Variants in FGL1 observed in about 807,000 individuals in gnomAD.
FGL1 encodes fibrinogen like 1.
FGL1 carries 59 observed loss-of-function variants against 43.7 expected under a neutral mutation model. The observed-to-expected ratio is 1.35, with a 90% CI of 1.10 to 1.68. The LOEUF is 1.68. Among genes scored for constraint, FGL1 ranks in the 40% most tolerant of loss-of-function variants. FGL1 has a pLI of 0.00. For missense variants in FGL1, 596 were observed against 373.0 expected (o/e 1.60, Z -4.92); for synonymous variants, 192 against 126.5 (o/e 1.52, Z -3.48).
chr8:17,876,003 G>T (rs973385835), intron 3 of FGL1, among the ~76,000 whole-genome samples: 2 of 152,128 alleles, frequency 1.3e-5, no homozygotes, highest in African/African-American at 4.8e-5. Flanking sequence ...AGAGAACGTG[G>T]CAAATGGGGA....
Position 17,885,505 on chromosome 8 carries a change from C to T in FGL1, c.50G>A (p.Gly17Asp). 1.2e-6 allele frequency: 2 copies of T among 1,612,694 alleles called. No homozygotes were observed. The highest frequency in any genetic ancestry group is 1.1e-5 in the South Asian group (1 of 90,868). Residue 17 changes from glycine to aspartate, a missense_variant, in exon 2 of 8, where the codon GGC (glycine) becomes GAC (aspartate). By Grantham distance (94) the Gly-to-Asp change is moderately conservative (BLOSUM62 -1). Transcript: ENST00000427924. ...CAAGAAGCTTACCGAAATTTCCCTG[C>T]CCATTGTCAGAGCGGTGGTAACAAG... ...FILVTTALTM[G>D]REISALEDCA... is the part of the protein sequence containing the mutation.
At chr8:17,875,408 T>C (rs746845404) in intron 3 of FGL1, among the ~76,000 whole-genome samples, 26 of 152,206 alleles carry the variant, frequency 1.7e-4, no homozygotes, top group Non-Finnish European at 3.1e-4. Flanking sequence ...CATCCCTTAA[T>C]TCTTTTTTGC....
Position 17,885,496 on chromosome 8 carries a change from A to C in FGL1, c.59T>G (p.Ile20Ser). Reference sequence around the variant, plus strand: ...TAGTTTTCCCAAGAAGCTTACCGAAATTTCCCTGCCCATTGTCAGAGCGGT... The same window carrying C: ...TAGTTTTCCCAAGAAGCTTACCGAACTTTCCCTGCCCATTGTCAGAGCGGT... ...VTTALTMGRE[I>S]SALEDCAQEQ... The change falls in exon 2 of 8, where the codon ATT becomes AGT. Residue 20 changes from isoleucine (I) to serine (S), a missense_variant. Coordinates refer to ENST00000427924, the MANE Select transcript of FGL1 (RefSeq NM_004467.4). The C allele has an allele frequency of 6.2e-7, 1 of 1,611,424 alleles. No homozygotes were observed. The highest frequency in any genetic ancestry group is 8.5e-7 in the Non-Finnish European group (1 of 1,178,312).
intron 1 of FGL1, among the ~76,000 whole-genome samples, chr8:17,893,310 G>C (rs2053731871): frequency 6.6e-6 from 1 of 151,978 alleles, no homozygotes; most frequent in Non-Finnish European, 1.5e-5. Flanking sequence ...AGTATGTTTT[G>C]AAAATGCTCT....
Position 17,874,106 on chromosome 8 carries a change from C to T in FGL1, c.415G>A (p.Asp139Asn), listed in dbSNP as rs2053406715. Residue 139 changes from aspartate to asparagine, a missense_variant, in exon 5 of 8, where the codon GAC becomes AAC. Coordinates refer to ENST00000427924, the MANE Select transcript of FGL1 (RefSeq NM_004467.4). ...AAATTTCCAAAGCCATTTTCATAGT[C>T]TTTCCATCCTCTAAAAAAGGTAAAG... is the stretch of plus-strand genomic sequence containing the variant. The part of the protein sequence containing the change: ...GSENFNRGWK[D>N]YENGFGNFVQ... 3 of 1,610,788 alleles carry T rather than the reference C, an allele frequency of 1.9e-6. No individual in the cohort carries two copies. The highest frequency in any genetic ancestry group is 2.5e-6 in the Non-Finnish European group (3 of 1,179,080).
At chr8:17,882,935 T>C (rs1291556821) in intron 2 of FGL1, among the ~76,000 whole-genome samples, 1 of 103,170 alleles carries the variant, frequency 9.7e-6, no homozygotes, top group Non-Finnish European at 1.6e-5. Flanking sequence ...TCATATATAA[T>C]ATATTAAATA....
intron 3 of FGL1, 48 bp from the exon 4 acceptor site, chr8:17,874,569 C>A: frequency 6.6e-7 from 1 of 1,518,494 alleles, no homozygotes; most frequent in Admixed American, 1.8e-5. Context: ...GTCTTTTTCT[C>A]CCCCCGCCTT....
chr8:17,884,413 T>C (rs1215572594), intron 2 of FGL1, among the ~76,000 whole-genome samples: 4 of 152,134 alleles, frequency 2.6e-5, no homozygotes, highest in African/African-American at 9.7e-5. Flanking sequence ...CAGTCTGGTC[T>C]CAAACTTCTG....
intron 2 of FGL1, 68 bp downstream of exon 2, chr8:17,885,424 A>G: frequency 7.2e-7 from 1 of 1,391,902 alleles, no homozygotes; most frequent in Non-Finnish European, 1.0e-6. Flanking sequence ...GGTTTAATGC[A>G]AAATGAAAGA....
rs1219528164 is a variant in FGL1 at position 17,895,503 on chromosome 8, C to T, written c.-74G>A. ...CAGGTTCCATCCAGACACTCTGCTT[C>T]CCAGGATCCTGTAACTGCATTGGGA... is the stretch of plus-strand genomic sequence containing the variant. On this transcript the variant is annotated 5_prime_UTR_variant, in exon 1 of 8. Coordinates refer to ENST00000427924, the MANE Select transcript of FGL1 (RefSeq NM_004467.4). The T allele has an allele frequency of 4.7e-6, 6 of 1,286,948 alleles. No individual in the cohort carries two copies. In the African/African-American group the frequency reaches 6.1e-5, roughly 13 times the overall value. 79.7% of individuals were successfully genotyped at this position (1,286,948 alleles called of 1,614,324 possible). A position where few individuals can be genotyped will look rare whatever the true frequency, so the allele number is the denominator to read the frequency against.
chr8:17,895,469 G>T lies in FGL1; in HGVS notation c.-40C>A. ...TGCCTAAAGTCAGAAGTGAGTCAGA[G>T]ACCCAGCTCAGGTTCCATCCAGACA... On this transcript the variant is annotated 5_prime_UTR_variant, in exon 1 of 8. Transcript: ENST00000427924. The T allele has an allele frequency of 7.8e-7, 1 of 1,282,698 alleles. No homozygotes were observed. The highest frequency in any genetic ancestry group is 1.0e-6 in the Non-Finnish European group (1 of 982,884). The allele number at this position is 1,282,698 out of a possible 1,614,324, so 79.5% of individuals were successfully genotyped here.
chr8:17,884,005 C>T (rs1161048756), intron 2 of FGL1, among the ~76,000 whole-genome samples: 1 of 150,580 alleles, frequency 6.6e-6, no homozygotes, highest in Non-Finnish European at 1.5e-5. Flanking sequence ...CACAGAACCT[C>T]TCCCAGCCAT....
At chr8:17,874,222 G>C (rs1246013686) in intron 4 of FGL1, 106 bp from the exon 5 acceptor site, 12 of 1,353,896 alleles carry the variant, frequency 8.9e-6, no homozygotes, top group South Asian at 2.5e-5. Context: ...TTCTTGATTA[G>C]TTAATTCATT....
Position 17,864,427 on chromosome 8 carries a change from A to G in FGL1, c.*165T>C, listed in dbSNP as rs2053237821. ...TACATTTATTTGGTGAATATTGCATATCTGCTGTACTGAAAGCACATTAAG... is the reference window on the plus strand; with the variant it reads ...TACATTTATTTGGTGAATATTGCATGTCTGCTGTACTGAAAGCACATTAAG... On this transcript the variant is annotated 3_prime_UTR_variant, in exon 8 of 8. Coordinates refer to ENST00000427924, the MANE Select transcript of FGL1 (RefSeq NM_004467.4). The G allele has an allele frequency of 1.6e-6, 1 of 635,766 alleles. No homozygotes were observed. The allele number at this position is 635,766 out of a possible 1,614,324, so 39.4% of individuals were successfully genotyped here.
chr8:17,882,350 G>A (rs1240202183), intron 2 of FGL1, 171 bp from the exon 3 acceptor site: 1 of 554,156 alleles, frequency 1.8e-6, no homozygotes, highest in Non-Finnish European at 3.0e-6. Flanking sequence ...ACTATTTGAA[G>A]AATTGGAAAT....
intron 7 of FGL1, among the ~76,000 whole-genome samples, chr8:17,867,112 T>A (rs6586664): frequency 2.0e-5 from 3 of 152,160 alleles, no homozygotes; most frequent in Admixed American, 2.0e-4. Context: ...TGACTATTTT[T>A]ACAACAGCAG....
intron 3 of FGL1, 102 bp downstream of exon 3, chr8:17,881,897 G>A: frequency 3.3e-6 from 3 of 913,946 alleles, no homozygotes; most frequent in African/African-American, 1.7e-5. Flanking sequence ...GCTTCATATT[G>A]CTTGTTACTG....
chr8:17,875,504 T>C (rs747462454), intron 3 of FGL1, among the ~76,000 whole-genome samples: 321 of 8,588 alleles, frequency 0.037, 7 homozygotes, highest in African/African-American at 0.073. Context: ...TCTTTCTTTC[T>C]TTCTTTCTTT....
chr8:17,870,922 T>G (rs144407323), intron 5 of FGL1, among the ~76,000 whole-genome samples: 2,810 of 151,194 alleles, frequency 0.019, 33 homozygotes, highest in South Asian at 0.031. Context: ...AAAAGCCATT[T>G]TTTAGCCTCC....
Sources: allele counts gnomAD v4.1 joint callset (sites outside exome capture counted in the v4.1 genomes callset), GRCh38; gene constraint gnomAD v4.1.1; transcripts MANE v1.5; gene names NCBI Gene and HGNC (gene_info 2026-07-23, HGNC 2026-07-21).